FTSJ3: variants seen among roughly 807,000 people sequenced by gnomAD.
The protein encoded by FTSJ3 is pre-rRNA 2'-O-ribose RNA methyltransferase FTSJ3.
Under a neutral mutation model 111.5 loss-of-function variants are expected in FTSJ3, and 46 were observed. The observed-to-expected ratio is 0.41, with a 90% CI of 0.33 to 0.53. The LOEUF (loss-of-function observed/expected upper bound fraction) is 0.53. FTSJ3 is among the 20% of genes least tolerant of loss of function. The pLI is 0.19. For synonymous variants in FTSJ3, 408 were observed against 383.0 expected, an observed-to-expected ratio of 1.07 and a Z score of -0.76; for missense variants, 1,075 against 1,063.8, an observed-to-expected ratio of 1.01 and a Z score of -0.15.
Position 63,826,394 on chromosome 17 carries a change from G to A in FTSJ3, c.174-90C>T, listed in dbSNP as rs1017862708. On this transcript the variant is annotated intron_variant, in intron 3 of 20. Transcript: ENST00000427159. ...CTCATCCCTGGTGTTACGTGTACTG[G>A]CCAAAGCATATCATAGGCACGTATT... The A allele has an allele frequency of 4.6e-6, 6 of 1,311,186 alleles. No homozygotes were observed. The Admixed American group carries it at 6.7e-5, about 15-fold the overall frequency. 81.2% of individuals were successfully genotyped at this position (1,311,186 alleles called of 1,614,324 possible).
Position 63,821,784 on chromosome 17 carries a change from A to G in FTSJ3, c.1535T>C (p.Leu512Pro). Residue 512 changes from leucine (L) to proline (P), a missense_variant, in exon 15 of 21, where the codon CTG (leucine) becomes CCG (proline). By Grantham distance (98) the Leu-to-Pro change is moderately conservative. This residue lies in a region of FTSJ3 where 867 missense variants were observed against 796.9 expected (regional missense o/e 1.09). Coordinates refer to ENST00000427159, the MANE Select transcript of FTSJ3 (RefSeq NM_017647.4). The stretch of plus-strand genomic sequence containing the variant: ...TACTGCCTTTTCCTCCAGTGGTACC[A>G]GCAGTGGATTCTCCTCCTCCTCCTC... Reference protein sequence around the residue: ...KEEEEEENPLLVPLEEKAVLQ... With the variant: ...KEEEEEENPLPVPLEEKAVLQ... 6.2e-7 allele frequency: 1 copy of G among 1,614,114 alleles called. No homozygotes were observed. Among genetic ancestry groups the G allele is most frequent in the South Asian group, 1.1e-5 (1 of 91,072 alleles).
In FTSJ3 at chr17:63,824,627, C is replaced by A. The variant is rs753249456; in HGVS notation, c.917+10G>T. On this transcript the variant is annotated intron_variant, in intron 10 of 20. Coordinates refer to ENST00000427159, the MANE Select transcript of FTSJ3 (RefSeq NM_017647.4). ...GGGCTCCTGGCCCCCGTGCCTACCC[C>A]ACTCCATACCTGAGCTCCTTGCGCC... 8.7e-6 allele frequency: 14 copies of A among 1,607,740 alleles called. No individual in the cohort carries two copies. The highest frequency in any genetic ancestry group is 1.1e-5 in the Non-Finnish European group (13 of 1,174,306).
In FTSJ3 at chr17:63,819,740, C is replaced by G. The variant is rs1204572910; in HGVS notation, c.*62G>C. 1.2e-5 allele frequency: 18 copies of G among 1,484,064 alleles called. No homozygotes were observed. The highest frequency in any genetic ancestry group is 1.6e-5 in the Non-Finnish European group (18 of 1,091,830). The allele number at this position is 1,484,064 out of a possible 1,614,324, so 91.9% of individuals were successfully genotyped here. A position where few individuals can be genotyped will look rare whatever the true frequency, so the allele number is the denominator to read the frequency against. ...TAGGCCGGTAATCAAGGGGGCCAGA[C>G]TGAGCCATGCCACACCCTTCCTCCT... On this transcript the variant is annotated 3_prime_UTR_variant, in exon 21 of 21. Transcript: ENST00000427159.
At chr17:63,823,127 T>C (rs533654658) in intron 13 of FTSJ3, among the ~76,000 whole-genome samples, 1 of 152,326 alleles carries the variant, frequency 6.6e-6, no homozygotes, top group South Asian at 2.1e-4. Context: ...AGGAAAAACA[T>C]GTTCTTCAGT....
chr17:63,824,629 C>A lies in FTSJ3; in HGVS notation c.917+8G>T. On this transcript the variant is annotated splice_region_variant and intron_variant, in intron 10 of 20. Transcript: ENST00000427159. ...GCTCCTGGCCCCCGTGCCTACCCCACTCCATACCTGAGCTCCTTGCGCCCC... is the reference window on the plus strand; with the variant it reads ...GCTCCTGGCCCCCGTGCCTACCCCAATCCATACCTGAGCTCCTTGCGCCCC... 1.2e-6 allele frequency: 2 copies of A among 1,610,710 alleles called. No homozygotes were observed. The highest frequency in any genetic ancestry group is 1.7e-6 in the Non-Finnish European group (2 of 1,176,848).
intron 3 of FTSJ3, 46 bp from the exon 4 acceptor site, chr17:63,826,350 C>T (rs1207024713): frequency 1.3e-6 from 2 of 1,583,238 alleles, no homozygotes; most frequent in African/African-American, 1.3e-5. Flanking sequence ...ATCCTTTTCC[C>T]CCTCTTGGCA....
At position 63,819,945 on chromosome 17, in the gene FTSJ3, C is replaced by A; in HGVS notation, c.2401G>T (p.Val801Phe). ...CGGCCCACACCTTTTTTGGCTACAA[C>A]GTAGGTGACATGGCGTTTCTCCTTG... ...LGKEKRHVTY[V>F]VAKKGVGRKV... The change falls in exon 21 of 21, where the codon GTT (valine) becomes TTT (phenylalanine). Residue 801 changes from valine to phenylalanine, a missense_variant. By Grantham distance (50) the Val-to-Phe change is conservative. This residue lies in a region of FTSJ3 where 867 missense variants were observed against 796.9 expected (regional missense o/e 1.09). Coordinates refer to ENST00000427159, the MANE Select transcript of FTSJ3 (RefSeq NM_017647.4). The A allele has an allele frequency of 6.2e-7, 1 of 1,614,208 alleles. No homozygotes were observed. Among genetic ancestry groups the A allele is most frequent in the Non-Finnish European group, 8.5e-7 (1 of 1,180,038 alleles).
chr17:63,823,821 T>C lies in FTSJ3; in HGVS notation c.1286A>G (p.His429Arg). 2 of 1,613,932 alleles carry C rather than the reference T, an allele frequency of 1.2e-6. No individual in the cohort carries two copies. The highest frequency in any genetic ancestry group is 1.7e-5 in the Admixed American group (1 of 59,986). ...GCACCCCCAATGCCGCCTCACCTGG[T>C]GACCCCGGATGGTGCTCAAGGAGAA... ...GMFSLSTIRG[H>R]QLLEEVTQGD... Residue 429 changes from histidine to arginine, a missense_variant, in exon 13 of 21, where the codon CAC becomes CGC. His to Arg is a conservative substitution (Grantham distance 29). Around this residue, in one of 2 missense-constraint regions of FTSJ3, gnomAD observed 867 missense variants for 796.9 expected, o/e 1.09. Coordinates refer to ENST00000427159, the MANE Select transcript of FTSJ3 (RefSeq NM_017647.4).
chr17:63,827,031 G>T lies in FTSJ3; in HGVS notation c.-27+21C>A, dbSNP rs561471320. On this transcript the variant is annotated intron_variant, in intron 1 of 20. Transcript: ENST00000427159. ...CCACTTCCCGCAGCAATTCCACCCCGCGCCCCTCTCCGCACACTACCTAGA... is the reference window on the plus strand; with the variant it reads ...CCACTTCCCGCAGCAATTCCACCCCTCGCCCCTCTCCGCACACTACCTAGA... 1.1e-4 allele frequency: 90 copies of T among 822,118 alleles called. No individual in the cohort carries two copies. The African/African-American group carries it at 1.4e-3, about 12-fold the overall frequency. 50.9% of individuals were successfully genotyped at this position (822,118 alleles called of 1,614,324 possible). A position where few individuals can be genotyped will look rare whatever the true frequency, so the allele number is the denominator to read the frequency against.
At position 63,827,319 on chromosome 17, in the gene FTSJ3, T is replaced by C; in HGVS notation, c.-294A>G. ...CTTCCTCATCCCCTTCCAAAGCCCC[T>C]GAACTCGAGTAGCCGCCCCTCCCAT... On this transcript the variant is annotated 5_prime_UTR_variant, in exon 1 of 21. Transcript: ENST00000427159. The C allele has an allele frequency of 2.5e-6, 2 of 808,298 alleles. No individual in the cohort carries two copies. Among genetic ancestry groups the C allele is most frequent in the East Asian group, 2.7e-5 (1 of 37,502 alleles). The allele number at this position is 808,298 out of a possible 1,614,324, so 50.1% of individuals were successfully genotyped here. A position where few individuals can be genotyped will look rare whatever the true frequency, so the allele number is the denominator to read the frequency against.
rs1356070906 is a variant in FTSJ3 at position 63,820,415 on chromosome 17, C to A, written c.2096G>T (p.Gly699Val). Residue 699 changes from glycine (G) to valine (V), a missense_variant, in exon 19 of 21, where the codon GGG becomes GTG. By Grantham distance (109) the Gly-to-Val change is moderately radical (BLOSUM62 -3). Coordinates refer to ENST00000427159, the MANE Select transcript of FTSJ3 (RefSeq NM_017647.4). ...FNRYTFNEDE[G>V]ELPEWFVQEE... ...TTGCACAAACCACTCCGGAAGCTCC[C>A]CCTCATCCTCATTAAATGTGTACCT... The A allele has an allele frequency of 6.2e-7, 1 of 1,614,154 alleles. No individual in the cohort carries two copies. The highest frequency in any genetic ancestry group is 1.7e-5 in the Admixed American group (1 of 60,026).
At chr17:63,822,344 TC>T (rs2040059682) in intron 13 of FTSJ3, among the ~76,000 whole-genome samples, 176 bp from the exon 14 acceptor site, 1 of 152,064 alleles carries the variant, frequency 6.6e-6, no homozygotes, top group African/African-American at 2.4e-5. Flanking sequence ...GTTTACAACA[TC>T]CCGTTCTAGG....
chr17:63,827,131 T>A lies in FTSJ3; in HGVS notation c.-106A>T. 1 of 608,610 alleles carries A rather than the reference T, an allele frequency of 1.6e-6. No homozygotes were observed. Among genetic ancestry groups the A allele is most frequent in the Non-Finnish European group, 2.9e-6 (1 of 343,730 alleles). 37.7% of individuals were successfully genotyped at this position (608,610 alleles called of 1,614,324 possible). On this transcript the variant is annotated 5_prime_UTR_variant, in exon 1 of 21. Transcript: ENST00000427159. The stretch of plus-strand genomic sequence containing the variant: ...TACTTCCGCTTCCGCTTGCGTCCCC[T>A]GCGTCCCTGGCTCGAGGTTTTCCGC...
chr17:63,819,879 C>T lies in FTSJ3; in HGVS notation c.2467G>A (p.Val823Met). 6 of 1,614,222 alleles carry T rather than the reference C, an allele frequency of 3.7e-6. No individual in the cohort carries two copies. Among genetic ancestry groups the T allele is most frequent in the South Asian group, 1.1e-5 (1 of 91,090 alleles). Residue 823 changes from valine (V) to methionine (M), a missense_variant, in exon 21 of 21, where the codon GTG becomes ATG. Around this residue, in one of 2 missense-constraint regions of FTSJ3, gnomAD observed 867 missense variants for 796.9 expected, o/e 1.09. Coordinates refer to ENST00000427159, the MANE Select transcript of FTSJ3 (RefSeq NM_017647.4). ...RPAGVRGHFKVVDSRMKKDQR... is the reference protein window; with the variant it reads ...RPAGVRGHFKMVDSRMKKDQR... ...TCCTTCTTCATCCTTGAGTCCACCA[C>T]CTTGAAATGACCTCTGACTCCAGCT...
chr17:63,827,142 C>T lies in FTSJ3; in HGVS notation c.-117G>A. 4.9e-6 allele frequency: 3 copies of T among 607,300 alleles called. No individual in the cohort carries two copies. Among genetic ancestry groups the T allele is most frequent in the Non-Finnish European group, 8.7e-6 (3 of 343,132 alleles). 37.6% of individuals were successfully genotyped at this position (607,300 alleles called of 1,614,324 possible). A position where few individuals can be genotyped will look rare whatever the true frequency, so the allele number is the denominator to read the frequency against. ...CCGCTTGCGTCCCCTGCGTCCCTGG[C>T]TCGAGGTTTTCCGCCATTTTGAGTG... On this transcript the variant is annotated 5_prime_UTR_variant, in exon 1 of 21. Transcript: ENST00000427159.
rs769051893 is a variant in FTSJ3, at chr17:63,826,241, A to G, written c.220+17T>C. 1 of 1,613,742 alleles carries G rather than the reference A, an allele frequency of 6.2e-7. No homozygotes were observed. Among genetic ancestry groups the G allele is most frequent in the Non-Finnish European group, 8.5e-7 (1 of 1,179,696 alleles). ...ACCCACCCCTTAAAACACCAAGGAG[A>G]GCTGTCCGTTACTCACCCACAATAA... On this transcript the variant is annotated intron_variant, in intron 4 of 20. Transcript: ENST00000427159.
In FTSJ3 at chr17:63,820,003, G is replaced by C; in HGVS notation, c.2352-9C>G. 1.9e-6 allele frequency: 3 copies of C among 1,613,906 alleles called. No homozygotes were observed. The highest frequency in any genetic ancestry group is 2.5e-6 in the Non-Finnish European group (3 of 1,179,882). The stretch of plus-strand genomic sequence containing the variant: ...CAGCCTTCTTGTAGAGACTACAGGG[G>C]GGAAGAGAAGAGGTTAGAGGCTTGC... On this transcript the variant is annotated splice_polypyrimidine_tract_variant and intron_variant, in intron 20 of 20. Transcript: ENST00000427159.
intron 3 of FTSJ3, 101 bp from the exon 4 acceptor site, chr17:63,826,405 T>C (rs2040104651): frequency 8.0e-7 from 1 of 1,243,868 alleles, no homozygotes; most frequent in African/African-American, 1.5e-5. Context: ...CCAAAGCATA[T>C]CATAGGCACG....
rs898958608 is a variant in FTSJ3 at position 63,823,865 on chromosome 17, G to A, written c.1242C>T (p.Asp414=). 78 of 1,613,922 alleles carry A rather than the reference G, an allele frequency of 4.8e-5. No homozygotes were observed. The highest frequency in any genetic ancestry group is 1.2e-4 in the African/African-American group (9 of 74,868). The change falls in exon 13 of 21, where the codon GAC becomes GAT. Residue 414 remains aspartate, a synonymous_variant. Coordinates refer to ENST00000427159, the MANE Select transcript of FTSJ3 (RefSeq NM_017647.4). ...AGGAGAACATGCCAGTCTCCCCCTC[G>A]TCTGCAATGGAAACCCCAGGCAGAT... ...KMDLPGVSIA[D]EGETGMFSLS...
Sources: gnomAD v4.1 joint callset for allele counts (sites outside exome capture counted in the v4.1 genomes callset) on GRCh38, gnomAD v4.1.1 for gene constraint, gnomAD v4.1.1 regional missense constraint, MANE v1.5 for transcripts, NCBI Gene and HGNC (gene_info 2026-07-23, HGNC 2026-07-21) for gene names.